GCFC2: variants seen among roughly 807,000 people sequenced by gnomAD.
GCFC2 encodes intron Large complex component GCFC2.
A neutral mutation model predicts 99.4 loss-of-function variants in GCFC2; 102 were observed. That is an observed-to-expected ratio of 1.03 (90% CI 0.87 to 1.21). The LOEUF is 1.21. Ranked by LOEUF, GCFC2 falls within the 50% of genes most tolerant of loss-of-function variation. The pLI is 0.00. For missense variants in GCFC2, 973 were observed against 920.9 expected (o/e 1.06, Z -0.73); for synonymous variants, 338 against 316.8 (o/e 1.07, Z -0.71).
intron 1 of GCFC2, among the ~76,000 whole-genome samples, chr2:75,709,785 TG>T (rs1464647865): frequency 9.2e-5 from 14 of 152,216 alleles, no homozygotes; most frequent in Non-Finnish European, 1.6e-4. Flanking sequence ...TCAAACATCA[TG>T]TTGTACACTA....
chr2:75,676,484 C>G lies in GCFC2; in HGVS notation c.1813-2964G>C, dbSNP rs535765674. On this transcript the variant is annotated intron_variant, in intron 12 of 16. Coordinates refer to ENST00000321027, the MANE Select transcript of GCFC2 (RefSeq NM_003203.5). ...TATCATACTTTTTTTTTTTTTACAT[C>G]TTCTCTTTCCCATACTATCTTAAGA... Among the ~76,000 whole-genome samples, 92 of 149,722 alleles carry G rather than the reference C, an allele frequency of 6.1e-4. No individual in the cohort carries two copies. In the South Asian group the frequency reaches 0.013, roughly 22 times the overall value.
intron 6 of GCFC2, 46 bp from the exon 7 acceptor site, chr2:75,692,146 A>AT: frequency 2.5e-6 from 1 of 395,078 alleles, no homozygotes; most frequent in Non-Finnish European, 4.2e-6. Flanking sequence ...TCGATAATGA[A>AT]ATATATATAT....
At chr2:75,697,444 A>T (rs569668127) in intron 4 of GCFC2, 1 of 152,258 alleles carries the variant, frequency 6.6e-6, no homozygotes, top group East Asian at 1.9e-4. Context: ...CCACTTCCAT[A>T]AATGCTTTCT....
intron 13 of GCFC2, among the ~76,000 whole-genome samples, chr2:75,673,150 T>A (rs190724233): frequency 2.4e-4 from 37 of 151,162 alleles, no homozygotes; most frequent in East Asian, 1.4e-3. Flanking sequence ...CTCTACTAAA[T>A]ATACAAAAAA....
In GCFC2 at chr2:75,687,944, A is replaced by G. The variant is rs1180041764; in HGVS notation, c.1573T>C (p.Phe525Leu). ...TCCATAAATTCTTCTACAGATTTGA[A>G]CCATGGCATCTCTTTTAAACCTGTG... is the stretch of plus-strand genomic sequence containing the variant. Reference protein sequence around the residue: ...ESTGLKEMPWFKSVEEFMDSS... With the variant: ...ESTGLKEMPWLKSVEEFMDSS... The change falls in exon 11 of 17, where the codon TTC (phenylalanine) becomes CTC (leucine). Residue 525 changes from phenylalanine to leucine, a missense_variant. Physicochemically the swap from Phe to Leu is conservative, Grantham distance 22. Transcript: ENST00000321027. The G allele has an allele frequency of 6.3e-6, 10 of 1,599,908 alleles. No homozygotes were observed. Among genetic ancestry groups the G allele is most frequent in the Non-Finnish European group, 8.5e-6 (10 of 1,172,272 alleles).
chr2:75,711,041 CGA>C (rs562324698), upstream of GCFC2: 127 of 1,334,768 alleles, frequency 9.5e-5, no homozygotes, highest in African/African-American at 1.7e-3. Flanking sequence ...TCTGGTAGGC[CGA>C]GTTCTGTTCT....
upstream of GCFC2, chr2:75,710,948 T>TGGCCGCCGAGTGCGCGCGCCC (rs1681154966): frequency 1.5e-6 from 2 of 1,368,712 alleles, no homozygotes. Context: ...CCGCCGCGCC[T>TGGCCGCCGAGTGCGCGCGCCC]GGCCGCCGAG....
In GCFC2 at chr2:75,663,941, A is replaced by ATCTT. The variant is rs2104161152; in HGVS notation, c.*721_*724dup. 6.6e-6 allele frequency: 1 copy of ATCTT among 152,290 alleles called. No homozygotes were observed. Among genetic ancestry groups the ATCTT allele is most frequent in the East Asian group, 1.9e-4 (1 of 5,186 alleles). The allele number at this position is 152,290 out of a possible 1,614,324, so 9.4% of individuals were successfully genotyped here. ...CCACAAGCATGGGCAAAAAATCAAT[A>ATCTT]TCTTTAAAAATATAAAGGTCTTAAA... On this transcript the variant is annotated 3_prime_UTR_variant, in exon 17 of 17. Coordinates refer to ENST00000321027, the MANE Select transcript of GCFC2 (RefSeq NM_003203.5).
rs563749974 is a variant in GCFC2, at chr2:75,709,280, A to T, written c.265+1311T>A. Among the ~76,000 whole-genome samples the T allele has an allele frequency of 9.8e-5, 15 of 152,362 alleles. 1 individual carries two copies. In the South Asian group the frequency reaches 2.9e-3, roughly 29 times the overall value. Reference sequence around the variant, plus strand: ...CAAAGAGTTTGAGAACCACTATTCTAGAAGGCAAGAGAAAAGGAACTCCTG... The same window carrying T: ...CAAAGAGTTTGAGAACCACTATTCTTGAAGGCAAGAGAAAAGGAACTCCTG... On this transcript the variant is annotated intron_variant, in intron 1 of 16. Coordinates refer to ENST00000321027, the MANE Select transcript of GCFC2 (RefSeq NM_003203.5).
Position 75,664,620 on chromosome 2 carries a change from T to C in GCFC2, c.*46A>G. On this transcript the variant is annotated 3_prime_UTR_variant, in exon 17 of 17. Transcript: ENST00000321027. Reference sequence around the variant, plus strand: ...CCAGCTTCTTCTCAAACAAAGGAACTGAGTGTAACTATATTAAAATTTTAG... The same window carrying C: ...CCAGCTTCTTCTCAAACAAAGGAACCGAGTGTAACTATATTAAAATTTTAG... 1 of 813,644 alleles carries C rather than the reference T, an allele frequency of 1.2e-6. No individual in the cohort carries two copies. The highest frequency in any genetic ancestry group is 2.1e-6 in the Non-Finnish European group (1 of 482,184). The allele number at this position is 813,644 out of a possible 1,614,324, so 50.4% of individuals were successfully genotyped here.
intron 12 of GCFC2, among the ~76,000 whole-genome samples, chr2:75,675,741 CA>C (rs1206357027): frequency 0.027 from 1,868 of 70,238 alleles, 33 homozygotes; most frequent in African/African-American, 0.059. Context: ...AAGGTTCTGT[CA>C]AAAAAAAAAA....
rs545152523 is a variant in GCFC2, at chr2:75,680,883, C to T, written c.1691-569G>A. On this transcript the variant is annotated intron_variant, in intron 11 of 16. Coordinates refer to ENST00000321027, the MANE Select transcript of GCFC2 (RefSeq NM_003203.5). Reference sequence around the variant, plus strand: ...TCCTACCACAGCATCTACACACCTACCTACATCTGTGCCGATATGCTCTAA... The same window carrying T: ...TCCTACCACAGCATCTACACACCTATCTACATCTGTGCCGATATGCTCTAA... 2.0e-5 allele frequency among the ~76,000 whole-genome samples: 3 copies of T among 152,296 alleles called. No individual in the cohort carries two copies. In the South Asian group the frequency reaches 6.2e-4, roughly 32 times the overall value.
intron 15 of GCFC2, among the ~76,000 whole-genome samples, chr2:75,666,524 T>C (rs551212005): frequency 3.3e-5 from 5 of 152,188 alleles, no homozygotes; most frequent in South Asian, 2.1e-4. Context: ...AAATTAATTA[T>C]GTTTTTAATC....
intron 9 of GCFC2, among the ~76,000 whole-genome samples, chr2:75,689,744 A>C (rs1679976856): frequency 6.6e-6 from 1 of 152,216 alleles, no homozygotes; most frequent in Admixed American, 6.5e-5. Context: ...AGAACGTCTA[A>C]GAGAAAAAAC....
At chr2:75,711,897 G>A (rs1242998258), upstream of GCFC2, among the ~76,000 whole-genome samples, 1 of 152,214 alleles carries the variant, frequency 6.6e-6, no homozygotes, top group African/African-American at 2.4e-5. Flanking sequence ...CATCCCCGAC[G>A]AGCACCACCC....
chr2:75,677,747 G>A (rs970981655), intron 12 of GCFC2, among the ~76,000 whole-genome samples: 2 of 152,168 alleles, frequency 1.3e-5, no homozygotes, highest in East Asian at 1.9e-4. Context: ...GGGAGGCCGA[G>A]GTGGGCGGAT....
chr2:75,696,954 T>A (rs539812927), intron 4 of GCFC2, among the ~76,000 whole-genome samples: 8 of 152,116 alleles, frequency 5.3e-5, no homozygotes, highest in Middle Eastern at 3.4e-3. Context: ...CCTGGTGAAT[T>A]TTTTTGTATT....
intron 10 of GCFC2, 113 bp downstream of exon 10, chr2:75,688,913 C>T (rs924258820): frequency 9.5e-6 from 6 of 630,652 alleles, no homozygotes; most frequent in Non-Finnish European, 1.7e-5. Flanking sequence ...TTCCAAAGCT[C>T]TAAATTTCAG....
rs758356413 is a variant in GCFC2, at chr2:75,694,210, G to A, written c.1020+31C>T. ...TGCACAAGGGGTTTTCTCCAAAAAA[G>A]GAAATGATATAAATAAATATTGATA... On this transcript the variant is annotated intron_variant, in intron 6 of 16. Coordinates refer to ENST00000321027, the MANE Select transcript of GCFC2 (RefSeq NM_003203.5). The A allele has an allele frequency of 1.2e-5, 7 of 579,710 alleles. 1 individual carries two copies. Among genetic ancestry groups the A allele is most frequent in the Non-Finnish European group, 2.1e-5 (7 of 336,256 alleles). 35.9% of individuals were successfully genotyped at this position (579,710 alleles called of 1,614,324 possible).
Sources: allele counts gnomAD v4.1 joint callset (sites outside exome capture counted in the v4.1 genomes callset), GRCh38; gene constraint gnomAD v4.1.1; transcripts MANE v1.5; gene names NCBI Gene and HGNC (gene_info 2026-07-23, HGNC 2026-07-21).